Variants in BRD10 observed in about 807,000 individuals in gnomAD.
BRD10 encodes the protein bromodomain containing 10, also known as uncharacterized bromodomain-containing protein 10.
the BRD10 span, among the ~76,000 whole-genome samples, chr9:5,965,576 G>A: frequency 1.3e-5 from 2 of 152,246 alleles, no homozygotes; most frequent in Admixed American, 6.5e-5. Context: ...AATTCCCACT[G>A]GGGATATTAC....
chr9:5,940,303 C>T, the BRD10 span, among the ~76,000 whole-genome samples: 1 of 152,176 alleles, frequency 6.6e-6, no homozygotes, highest in Non-Finnish European at 1.5e-5. Flanking sequence ...AAGCAATTCT[C>T]CTGCCTCAGC....
the BRD10 span, among the ~76,000 whole-genome samples, chr9:5,971,761 C>T: frequency 6.6e-6 from 1 of 151,918 alleles, no homozygotes; most frequent in Non-Finnish European, 1.5e-5. Flanking sequence ...TGGTAGTGGG[C>T]AGGTAGAATT....
At chr9:5,961,807 T>G in the BRD10 span, among the ~76,000 whole-genome samples, 1 of 152,164 alleles carries the variant, frequency 6.6e-6, no homozygotes, top group Non-Finnish European at 1.5e-5. Flanking sequence ...TGCTTAAATA[T>G]TACCCAAACT....
the BRD10 span, among the ~76,000 whole-genome samples, chr9:5,947,448 T>C: frequency 2.6e-5 from 4 of 152,136 alleles, no homozygotes; most frequent in African/African-American, 9.7e-5. Flanking sequence ...AAATAGGGAA[T>C]GGCATATTGA....
At chr9:5,994,974 A>G in the BRD10 span, among the ~76,000 whole-genome samples, 1 of 149,492 alleles carries the variant, frequency 6.7e-6, no homozygotes, top group South Asian at 2.1e-4. Flanking sequence ...ATCTCGGCTC[A>G]CTGCAACCTC....
the BRD10 span, among the ~76,000 whole-genome samples, chr9:5,991,786 G>A: frequency 6.7e-6 from 1 of 148,532 alleles, no homozygotes; most frequent in African/African-American, 2.5e-5. Flanking sequence ...CTCCTCCAAA[G>A]TCTTTCAGTT....
chr9:5,966,584 C>T, the BRD10 span, among the ~76,000 whole-genome samples: 2 of 150,448 alleles, frequency 1.3e-5, no homozygotes, highest in African/African-American at 2.4e-5. Context: ...CTTAGCCTCC[C>T]GAGTAGCTGG....
At chr9:5,946,178 T>C in the BRD10 span, among the ~76,000 whole-genome samples, 1 of 152,138 alleles carries the variant, frequency 6.6e-6, no homozygotes, top group East Asian at 1.9e-4. Flanking sequence ...TCCACAAAAA[T>C]GGCAAGACAG....
the BRD10 span, among the ~76,000 whole-genome samples, chr9:5,895,332 T>C: frequency 6.6e-6 from 1 of 151,964 alleles, no homozygotes; most frequent in African/African-American, 2.4e-5. Context: ...CCTGCCCCCA[T>C]TGCTGTTTGT....
chr9:6,008,261 C>G, the BRD10 span: 21 of 983,732 alleles, frequency 2.1e-5, no homozygotes, highest in Non-Finnish European at 2.5e-5. Flanking sequence ...TCCCTCACAC[C>G]CCCTCCCGCC....
At chr9:5,976,194 G>A in the BRD10 span, among the ~76,000 whole-genome samples, 1 of 151,944 alleles carries the variant, frequency 6.6e-6, no homozygotes, top group Non-Finnish European at 1.5e-5. Context: ...TAGAGAGTGT[G>A]TAAAATAAAA....
At chr9:5,945,731 A>C in the BRD10 span, among the ~76,000 whole-genome samples, 2 of 152,116 alleles carry the variant, frequency 1.3e-5, no homozygotes, top group African/African-American at 2.4e-5. Flanking sequence ...GTAAAATTAT[A>C]CTGAATTTCT....
chr9:5,987,038 T>G, the BRD10 span, among the ~76,000 whole-genome samples: 1 of 152,156 alleles, frequency 6.6e-6, no homozygotes, highest in African/African-American at 2.4e-5. Context: ...CAATCTTGAG[T>G]TCACTACTCA....
chr9:5,999,797 A>G, the BRD10 span, among the ~76,000 whole-genome samples: 1 of 152,102 alleles, frequency 6.6e-6, no homozygotes, highest in Non-Finnish European at 1.5e-5. Context: ...GTGTCTTTCT[A>G]TATCCATCTT....
At chr9:5,895,540 C>T in the BRD10 span, among the ~76,000 whole-genome samples, 1 of 152,202 alleles carries the variant, frequency 6.6e-6, no homozygotes. Context: ...TAAGTTCCCA[C>T]ATCCAGCCAA....
chr9:5,986,058 C>T, the BRD10 span, among the ~76,000 whole-genome samples: 5 of 152,120 alleles, frequency 3.3e-5, no homozygotes, highest in Non-Finnish European at 5.9e-5. Flanking sequence ...GTTTGCTGCA[C>T]CTATCAACCC....
the BRD10 span, chr9:5,945,059 AT>A: frequency 2.0e-6 from 1 of 500,866 alleles, no homozygotes; most frequent in Non-Finnish European, 3.5e-6. Context: ...ATTCACAATT[AT>A]TTTTCTCTGT....
the BRD10 span, among the ~76,000 whole-genome samples, chr9:5,984,886 G>A: frequency 3.3e-5 from 5 of 151,446 alleles, no homozygotes; most frequent in Admixed American, 2.6e-4. Flanking sequence ...ACCTTCCCAG[G>A]ATTTTTCTGC....
the BRD10 span, among the ~76,000 whole-genome samples, chr9:5,937,278 T>C: frequency 6.7e-6 from 1 of 149,652 alleles, no homozygotes; most frequent in Non-Finnish European, 1.5e-5. Context: ...CACACTAGCC[T>C]GTAATCCCAG....
Sources: allele counts gnomAD v4.1 joint callset (sites outside exome capture counted in the v4.1 genomes callset), GRCh38; gene constraint gnomAD v4.1.1; transcripts MANE v1.5; gene names NCBI Gene and HGNC (gene_info 2026-07-23, HGNC 2026-07-21).